The following ASAP1 variants were observed in gnomAD, a reference collection of about 807,000 sequenced individuals.
The protein encoded by ASAP1 is arf-GAP with SH3 domain, ANK repeat and PH domain-containing protein 1.
A neutral mutation model predicts 145.2 loss-of-function variants in ASAP1; 43 were observed. That is an observed-to-expected ratio of 0.30 (90% CI 0.23 to 0.38). The LOEUF (loss-of-function observed/expected upper bound fraction) is 0.38, where lower values mean the gene tolerates loss of function less well. Among genes scored for constraint, ASAP1 ranks in the 10% least tolerant of loss-of-function variants. ASAP1 has a pLI of 1.00. For missense variants in ASAP1, 1,018 were observed against 1,355.3 expected (o/e 0.75, Z 3.91); for synonymous variants, 546 against 515.5 (o/e 1.06, Z -0.80).
In ASAP1 at chr8:130,055,215, C is replaced by T. The variant is rs1044087159; in HGVS notation, c.3316-410G>A. On this transcript the variant is annotated intron_variant, in intron 29 of 29. Transcript: ENST00000518721. ...GCCTTTACAGCTGGGTGACCTCACA[C>T]AAACCTTGCTAAGCCTTTTCTCTGT... 3.3e-5 allele frequency among the ~76,000 whole-genome samples: 5 copies of T among 151,126 alleles called. No individual in the cohort carries two copies. In the East Asian group the frequency reaches 9.7e-4, roughly 29 times the overall value.
intron 27 of ASAP1, among the ~76,000 whole-genome samples, chr8:130,072,834 G>A (rs1248531035): frequency 7.9e-5 from 1 of 12,720 alleles, no homozygotes; most frequent in Non-Finnish European, 1.4e-4. Context: ...TGCGCGCGGG[G>A]GGGGGCAGTT....
intron 3 of ASAP1, among the ~76,000 whole-genome samples, chr8:130,308,425 T>C (rs16904244): frequency 0.02 from 3,076 of 152,340 alleles, 99 homozygotes; most frequent in African/African-American, 0.068. Context: ...TATGTCTGTA[T>C]ACAAAAATAA....
chr8:130,398,116 A>G (rs755197365), intron 2 of ASAP1, among the ~76,000 whole-genome samples: 1 of 152,260 alleles, frequency 6.6e-6, no homozygotes, highest in Non-Finnish European at 1.5e-5. Context: ...CTTTTCAGCT[A>G]CATGACATGT....
rs201199592 is a variant in ASAP1, at chr8:130,158,207, T to TA, written c.1010+1656dup. Among the ~76,000 whole-genome samples, 455 of 151,012 alleles carry TA rather than the reference T, an allele frequency of 3.0e-3. 1 individual carries two copies. The highest frequency in any genetic ancestry group is 9.4e-3 in the African/African-American group (385 of 41,154). ...AATCAGAAAACAAGGAGCTTTCTTT[T>TA]AAAAAAAAACAATGACAATAGGCCA... On this transcript the variant is annotated intron_variant, in intron 12 of 29. Coordinates refer to ENST00000518721, the MANE Select transcript of ASAP1 (RefSeq NM_018482.4).
At chr8:130,151,526 C>G (rs1434921766) in intron 13 of ASAP1, among the ~76,000 whole-genome samples, 1 of 151,746 alleles carries the variant, frequency 6.6e-6, no homozygotes, top group African/African-American at 2.4e-5. Context: ...ACTGGCATGA[C>G]AGCTAAAAAT....
intron 2 of ASAP1, among the ~76,000 whole-genome samples, chr8:130,359,475 A>AG (rs1333173836): frequency 6.6e-6 from 1 of 152,184 alleles, no homozygotes; most frequent in African/African-American, 2.4e-5. Flanking sequence ...GCCTTTGGGA[A>AG]GGGCCACAGG....
chr8:130,076,641 C>T (rs113739507), intron 26 of ASAP1, among the ~76,000 whole-genome samples: 137 of 152,190 alleles, frequency 9.0e-4, no homozygotes, highest in African/African-American at 3.2e-3. Context: ...CTGCCTCAGC[C>T]TCCTGAGTAG....
chr8:130,299,352 A>G (rs531361686), intron 3 of ASAP1, among the ~76,000 whole-genome samples: 1 of 152,222 alleles, frequency 6.6e-6, no homozygotes, highest in Non-Finnish European at 1.5e-5. Context: ...TTAATGCTAC[A>G]CGTATGCACA....
At chr8:130,124,771 T>C (rs1473087303) in intron 17 of ASAP1, among the ~76,000 whole-genome samples, 1 of 152,198 alleles carries the variant, frequency 6.6e-6, no homozygotes, top group Admixed American at 6.5e-5. Flanking sequence ...GTTTATTGCA[T>C]GGCAAACGTT....
At chr8:130,332,395 G>C (rs1406026191) in intron 3 of ASAP1, among the ~76,000 whole-genome samples, 1 of 152,110 alleles carries the variant, frequency 6.6e-6, no homozygotes, top group African/African-American at 2.4e-5. Flanking sequence ...CCCACTTCAA[G>C]TTAAATAACC....
chr8:130,239,646 G>A (rs1586661225), intron 3 of ASAP1, among the ~76,000 whole-genome samples: 1 of 152,154 alleles, frequency 6.6e-6, no homozygotes, highest in African/African-American at 2.4e-5. Flanking sequence ...GCTAAGAGCA[G>A]GAGGGAAAGA....
At chr8:130,087,212 G>T (rs180943750) in intron 25 of ASAP1, among the ~76,000 whole-genome samples, 6 of 152,200 alleles carry the variant, frequency 3.9e-5, no homozygotes, top group South Asian at 2.1e-4. Flanking sequence ...ACCAAAGAGG[G>T]GTATAGGCTT....
chr8:130,243,483 A>C (rs1395286486), intron 3 of ASAP1, among the ~76,000 whole-genome samples: 1 of 152,134 alleles, frequency 6.6e-6, no homozygotes, highest in South Asian at 2.1e-4. Flanking sequence ...AAGATGAAAG[A>C]ATTCACTGTT....
chr8:130,134,869 A>G (rs973930551), intron 14 of ASAP1, among the ~76,000 whole-genome samples: 2 of 151,996 alleles, frequency 1.3e-5, no homozygotes, highest in African/African-American at 4.8e-5. Context: ...GAAATGATTC[A>G]TTTACTGTTC....
intron 3 of ASAP1, among the ~76,000 whole-genome samples, chr8:130,237,381 C>T (rs1818277298): frequency 6.6e-6 from 1 of 152,022 alleles, no homozygotes. Flanking sequence ...GGCAACAGGA[C>T]ACACTTTATC....
intron 20 of ASAP1, 59 bp from the exon 21 acceptor site, chr8:130,117,054 A>T (rs1385154902): frequency 8.3e-7 from 1 of 1,207,598 alleles, no homozygotes; most frequent in Non-Finnish European, 1.2e-6. Context: ...AAAACTATAG[A>T]TTAGCCACTT....
chr8:130,363,347 G>A lies in ASAP1; in HGVS notation c.60-5204C>T, dbSNP rs901052172. On this transcript the variant is annotated intron_variant, in intron 2 of 29. Coordinates refer to ENST00000518721, the MANE Select transcript of ASAP1 (RefSeq NM_018482.4). ...TTGAGAGCAGTCTGGACAACATGGC[G>A]AGACTGCATCTCATTTTTTTTAATA... Among the ~76,000 whole-genome samples the A allele has an allele frequency of 3.3e-5, 5 of 152,016 alleles. No homozygotes were observed. In the East Asian group the frequency reaches 5.8e-4, roughly 18 times the overall value.
At chr8:130,252,975 C>G (rs903007813) in intron 3 of ASAP1, among the ~76,000 whole-genome samples, 3 of 152,122 alleles carry the variant, frequency 2.0e-5, no homozygotes, top group African/African-American at 4.8e-5. Flanking sequence ...AACCACCAAG[C>G]CTTTTAGCTT....
chr8:130,251,613 T>A (rs1407270358), intron 3 of ASAP1, among the ~76,000 whole-genome samples: 6 of 151,846 alleles, frequency 4.0e-5, no homozygotes, highest in Admixed American at 6.6e-5. Flanking sequence ...ACAAAAGAAC[T>A]AAGAGGGAAA....
Sources: allele counts gnomAD v4.1 joint callset (sites outside exome capture counted in the v4.1 genomes callset), GRCh38; gene constraint gnomAD v4.1.1; transcripts MANE v1.5; gene names NCBI Gene and HGNC (gene_info 2026-07-23, HGNC 2026-07-21).